Variants in COL21A1 observed in about 807,000 individuals in gnomAD.
COL21A1 encodes the protein collagen alpha-1(XXI) chain.
COL21A1 carries 149 observed loss-of-function variants against 137.9 expected under a neutral mutation model. The observed-to-expected ratio is 1.08, with a 90% CI of 0.95 to 1.24. The LOEUF (loss-of-function observed/expected upper bound fraction) is 1.24, where lower values mean the gene tolerates loss of function less well. Among genes scored for constraint, COL21A1 ranks in the 50% most tolerant of loss-of-function variants. The pLI is 0.00. For missense variants in COL21A1, 1,167 were observed against 1,158.4 expected, an observed-to-expected ratio of 1.01 and a Z score of -0.11; for synonymous variants, 456 against 391.5, an observed-to-expected ratio of 1.16 and a Z score of -1.95.
intron 9 of COL21A1, among the ~76,000 whole-genome samples, chr6:56,161,464 A>T (rs1776194701): frequency 6.6e-6 from 1 of 152,122 alleles, no homozygotes; most frequent in Admixed American, 6.5e-5. Context: ...CGCGTTCCAT[A>T]TAGGTTAAAT....
chr6:56,149,661 A>G (rs1407251594), intron 10 of COL21A1, among the ~76,000 whole-genome samples: 1 of 152,200 alleles, frequency 6.6e-6, no homozygotes, highest in Non-Finnish European at 1.5e-5. Context: ...CCATGAATCC[A>G]TAGTCTCCTT....
At chr6:56,196,470 A>G (rs987860717) in intron 1 of COL21A1, among the ~76,000 whole-genome samples, 2 of 152,088 alleles carry the variant, frequency 1.3e-5, no homozygotes, top group African/African-American at 4.8e-5. Flanking sequence ...AGAAGACCAT[A>G]AAGACTCTAC....
chr6:56,078,187 G>C (rs776149429), intron 17 of COL21A1: 14 of 455,698 alleles, frequency 3.1e-5, no homozygotes, highest in Non-Finnish European at 2.2e-5. Context: ...ATATGCACAT[G>C]TCTGTAGCAA....
chr6:56,328,048 T>C (rs992604298), intron 1 of COL21A1, among the ~76,000 whole-genome samples: 4 of 151,968 alleles, frequency 2.6e-5, no homozygotes, highest in Non-Finnish European at 5.9e-5. Flanking sequence ...CATCATACAT[T>C]TGGGAGTTGG....
At chr6:56,315,626 C>T (rs1764713376) in intron 1 of COL21A1, among the ~76,000 whole-genome samples, 1 of 119,280 alleles carries the variant, frequency 8.4e-6, no homozygotes, top group South Asian at 2.4e-4. Flanking sequence ...CTCTCCTTCT[C>T]TTCCGCCATC....
intron 16 of COL21A1, among the ~76,000 whole-genome samples, chr6:56,102,584 A>G (rs1341438662): frequency 6.6e-6 from 1 of 152,210 alleles, no homozygotes; most frequent in Non-Finnish European, 1.5e-5. Context: ...AATGCAATGC[A>G]CTGAAGCATA....
chr6:56,257,015 GA>G (rs1278171145), intron 1 of COL21A1, among the ~76,000 whole-genome samples: 1 of 152,078 alleles, frequency 6.6e-6, no homozygotes, highest in Non-Finnish European at 1.5e-5. Flanking sequence ...ATAATATAAA[GA>G]AAGATTTCTC....
At chr6:56,256,510 A>T (rs1363888349) in intron 1 of COL21A1, among the ~76,000 whole-genome samples, 1 of 152,188 alleles carries the variant, frequency 6.6e-6, no homozygotes, top group African/African-American at 2.4e-5. Context: ...GATCGTTGAA[A>T]ACTTGATAAG....
At chr6:56,095,956 C>T (rs1385129922) in intron 17 of COL21A1, among the ~76,000 whole-genome samples, 1 of 152,098 alleles carries the variant, frequency 6.6e-6, no homozygotes, top group East Asian at 1.9e-4. Context: ...AAGCAATTCT[C>T]CTGCCACAGC....
intron 1 of COL21A1, among the ~76,000 whole-genome samples, chr6:56,236,644 TAC>T (rs1781921363): frequency 2.0e-5 from 3 of 152,042 alleles, no homozygotes. Flanking sequence ...CCACAGTGCT[TAC>T]CTCTAGCATT....
intron 1 of COL21A1, among the ~76,000 whole-genome samples, chr6:56,340,642 T>C (rs1342468656): frequency 1.3e-5 from 2 of 152,196 alleles, no homozygotes; most frequent in South Asian, 2.1e-4. Flanking sequence ...CTGTTGGCTG[T>C]GTTTATTTTC....
intron 1 of COL21A1, among the ~76,000 whole-genome samples, chr6:56,379,242 G>A (rs1025177904): frequency 2.0e-5 from 3 of 152,182 alleles, no homozygotes; most frequent in Non-Finnish European, 4.4e-5. Flanking sequence ...AGGCACCAGG[G>A]ACCAATCAAT....
chr6:56,303,136 T>C (rs1306996920), intron 1 of COL21A1, among the ~76,000 whole-genome samples: 4 of 152,232 alleles, frequency 2.6e-5, no homozygotes, highest in Admixed American at 1.3e-4. Flanking sequence ...ACTGTAGCCT[T>C]GTAGTATAGT....
At chr6:56,262,043 T>C (rs1763292814) in intron 1 of COL21A1, among the ~76,000 whole-genome samples, 1 of 152,230 alleles carries the variant, frequency 6.6e-6, no homozygotes, top group Non-Finnish European at 1.5e-5. Flanking sequence ...AACTCATATA[T>C]AAATAACAAC....
At chr6:56,276,795 T>G in intron 1 of COL21A1, 1 of 1,034,152 alleles carries the variant, frequency 9.7e-7, no homozygotes. Flanking sequence ...TTCAGTGAGT[T>G]GTGTTTTTTT....
At chr6:56,183,444 C>T (rs1187071405) in intron 1 of COL21A1, among the ~76,000 whole-genome samples, 1 of 152,174 alleles carries the variant, frequency 6.6e-6, no homozygotes, top group Non-Finnish European at 1.5e-5. Context: ...TAAAAAATCA[C>T]TCAAAGCTGG....
chr6:56,198,140 G>A (rs775403959), intron 1 of COL21A1, among the ~76,000 whole-genome samples: 1 of 152,082 alleles, frequency 6.6e-6, no homozygotes, highest in Non-Finnish European at 1.5e-5. Flanking sequence ...AATACTGCAT[G>A]ATCACATGTT....
chr6:56,214,896 G>A (rs988827739), intron 1 of COL21A1, among the ~76,000 whole-genome samples: 1 of 151,976 alleles, frequency 6.6e-6, no homozygotes, highest in African/African-American at 2.4e-5. Context: ...GTGACTCAAT[G>A]CTTTTAGGCA....
At chr6:56,088,288 C>T (rs752305913) in intron 17 of COL21A1, among the ~76,000 whole-genome samples, 1 of 151,982 alleles carries the variant, frequency 6.6e-6, no homozygotes, top group Admixed American at 6.6e-5. Context: ...TGCTTGACCC[C>T]GGGAGGTGGA....
Sources: gnomAD v4.1 joint callset for allele counts (sites outside exome capture counted in the v4.1 genomes callset) on GRCh38, gnomAD v4.1.1 for gene constraint, MANE v1.5 for transcripts, NCBI Gene and HGNC (gene_info 2026-07-23, HGNC 2026-07-21) for gene names.